Variants in PTCH1 observed in about 807,000 individuals in gnomAD.
PTCH1 encodes the protein protein patched homolog 1.
Under a neutral mutation model 144.6 loss-of-function variants are expected in PTCH1, and 14 were observed. The observed-to-expected ratio is 0.10, with a 90% CI of 0.06 to 0.15. The LOEUF is 0.15. Among genes scored for constraint, PTCH1 ranks in the 10% least tolerant of loss-of-function variants. The probability of loss-of-function intolerance (pLI) is 1.00; values close to 1 mark genes in which losing one functional copy is unlikely to be tolerated. For synonymous variants in PTCH1, 833 were observed against 793.6 expected (o/e 1.05, Z -0.83); for missense variants, 1,623 against 1,948.3 (o/e 0.83, Z 3.14).
intron 6 of PTCH1, 22 bp downstream of exon 6, chr9:95,480,368 A>C (rs757083467): frequency 1.2e-6 from 2 of 1,609,012 alleles, no homozygotes; most frequent in South Asian, 1.1e-5. Context: ...CCCTTCTGAG[A>C]GCGCTCACTG....
At chr9:95,453,417 A>C in intron 20 of PTCH1, 61 bp downstream of exon 20, 1 of 1,609,030 alleles carries the variant, frequency 6.2e-7, no homozygotes, top group Non-Finnish European at 8.5e-7. Flanking sequence ...GGCGTGAGCC[A>C]CTGCACCCGG....
At chr9:95,506,056 CCGGGGCGCCTCT>C (rs1164063901) in intron 2 of PTCH1, among the ~76,000 whole-genome samples, 1 of 148,090 alleles carries the variant, frequency 6.8e-6, no homozygotes, top group Non-Finnish European at 1.5e-5. Context: ...GAGGCCAGCC[CCGGGGCGCCTCT>C]CGGGGCGCGG....
chr9:95,504,721 C>T (rs1843427521), intron 2 of PTCH1, among the ~76,000 whole-genome samples: 1 of 152,190 alleles, frequency 6.6e-6, no homozygotes, highest in Non-Finnish European at 1.5e-5. Context: ...GCCTAAAATG[C>T]CCTCCTTCCC....
At chr9:95,461,629 G>A (rs533435399) in intron 16 of PTCH1, among the ~76,000 whole-genome samples, 1 of 152,350 alleles carries the variant, frequency 6.6e-6, no homozygotes, top group Non-Finnish European at 1.5e-5. Context: ...GAACACGCCT[G>A]TCCCATTTGA....
At chr9:95,468,556 C>T (rs565811806) in intron 14 of PTCH1, among the ~76,000 whole-genome samples, 195 bp downstream of exon 14, 1 of 152,316 alleles carries the variant, frequency 6.6e-6, no homozygotes, top group Admixed American at 6.5e-5. Context: ...GAGGTTCACT[C>T]CCATGGAAGA....
intron 14 of PTCH1, 115 bp from the exon 15 acceptor site, chr9:95,467,540 T>C: frequency 9.7e-7 from 1 of 1,028,060 alleles, no homozygotes; most frequent in South Asian, 1.4e-5. Context: ...AACTGATTTA[T>C]CTTGTAGGGG....
At chr9:95,479,859 T>A (rs1841386452) in intron 7 of PTCH1, 110 bp downstream of exon 7, 2 of 1,552,046 alleles carry the variant, frequency 1.3e-6, no homozygotes, top group Non-Finnish European at 1.8e-6. Context: ...CTAGCGAGGA[T>A]AACGGTTTAA....
intron 20 of PTCH1, chr9:95,451,591 C>T (rs1378666458): frequency 2.0e-5 from 3 of 152,228 alleles, no homozygotes; most frequent in Non-Finnish European, 4.4e-5. Context: ...GACCCCAGCA[C>T]ACCTTGCATT....
intron 12 of PTCH1, 77 bp from the exon 13 acceptor site, chr9:95,470,008 CTT>C: frequency 9.4e-7 from 1 of 1,060,986 alleles, no homozygotes. Context: ...AATAAAGATG[CTT>C]TTAAACAATA....
At chr9:95,463,767 A>G (rs1746658263) in intron 15 of PTCH1, among the ~76,000 whole-genome samples, 1 of 152,074 alleles carries the variant, frequency 6.6e-6, no homozygotes, top group Non-Finnish European at 1.5e-5. Flanking sequence ...TGAGTCTTGG[A>G]AAGGGGAGAC....
chr9:95,508,519 C>G lies in PTCH1; in HGVS notation c.-158G>C. ...CGGGCTCGGGCTCCGGTTGACAGAC[C>G]AGCCGCTGCTGCTGCTCACACGGCG... is the stretch of plus-strand genomic sequence containing the variant. On this transcript the variant is annotated 5_prime_UTR_variant, in exon 1 of 24. Coordinates refer to ENST00000331920, the MANE Select transcript of PTCH1 (RefSeq NM_000264.5). 1 of 1,015,492 alleles carries G rather than the reference C, an allele frequency of 9.8e-7. No homozygotes were observed. Among genetic ancestry groups the G allele is most frequent in the South Asian group, 4.5e-5 (1 of 22,164 alleles). 62.9% of individuals were successfully genotyped at this position (1,015,492 alleles called of 1,614,324 possible). A position where few individuals can be genotyped will look rare whatever the true frequency, so the allele number is the denominator to read the frequency against.
intron 2 of PTCH1, among the ~76,000 whole-genome samples, chr9:95,489,256 C>T (rs1233712946): frequency 6.6e-6 from 1 of 152,232 alleles, no homozygotes; most frequent in Non-Finnish European, 1.5e-5. Context: ...CTTATCATCC[C>T]TAAGTGTGAA....
At chr9:95,506,905 G>T in intron 1 of PTCH1, 3 of 1,109,580 alleles carry the variant, frequency 2.7e-6, no homozygotes, top group Non-Finnish European at 3.3e-6. Context: ...AGGTAGAGAG[G>T]AGAGAAACCA....
chr9:95,508,080 T>G lies in PTCH1; in HGVS notation c.201+81A>C, dbSNP rs191458964. 8.3e-3 allele frequency: 13,283 copies of G among 1,591,818 alleles called. 62 individuals are homozygous for G. The highest frequency in any genetic ancestry group is 0.01 in the Non-Finnish European group (12,105 of 1,169,054). ...GTGTGAGAGAGAGAGGAAGAGAGTG[T>G]GTGTGTTTGTGTGTGGCGGGGGCGA... On this transcript the variant is annotated intron_variant, in intron 1 of 23. Transcript: ENST00000331920.
chr9:95,447,402 T>G lies in PTCH1; in HGVS notation c.3854A>C (p.Gln1285Pro). 1 of 1,608,538 alleles carries G rather than the reference T, an allele frequency of 6.2e-7. No individual in the cohort carries two copies. The highest frequency in any genetic ancestry group is 2.2e-5 in the East Asian group (1 of 44,798). ...RHHPPSNPRQQPHLDSGSLPP... is the reference protein window; with the variant it reads ...RHHPPSNPRQPPHLDSGSLPP... ...CAGGGACCCTGAGTCCAGGTGGGGC[T>G]GCTGTCTCGGGTTCGAGGGTGGGTG... Residue 1285 changes from glutamine (Q) to proline (P), a missense_variant, in exon 23 of 24, where the codon CAG becomes CCG. Gln to Pro is a moderately conservative substitution (Grantham distance 76). Around this residue, in one of 7 missense-constraint regions of PTCH1, gnomAD observed 291 missense variants for 287.4 expected, o/e 1.01. Transcript: ENST00000331920.
intron 2 of PTCH1, among the ~76,000 whole-genome samples, chr9:95,496,391 G>T (rs547141397): frequency 1.3e-5 from 2 of 151,918 alleles, no homozygotes; most frequent in African/African-American, 2.4e-5. Flanking sequence ...GTTTCGGTCC[G>T]CAACAAAAAA....
Position 95,480,578 on chromosome 9 carries a change from G to T in PTCH1, c.757C>A (p.Pro253Thr). 1 of 1,613,560 alleles carries T rather than the reference G, an allele frequency of 6.2e-7. No homozygotes were observed. Among genetic ancestry groups the T allele is most frequent in the Non-Finnish European group, 8.5e-7 (1 of 1,179,752 alleles). ...SGTAYLLGKP[P>T]LRWTNFDPLE... Reference sequence around the variant, plus strand: ...GGGTCGAAGTTTGTCCACCGCAAAGGAGGTTTACCTCTGCAAAAGAAATTA... The same window carrying T: ...GGGTCGAAGTTTGTCCACCGCAAAGTAGGTTTACCTCTGCAAAAGAAATTA... The change falls in exon 6 of 24, where the codon CCT becomes ACT. Residue 253 changes from proline (P) to threonine (T), a missense_variant. Around this residue, in one of 7 missense-constraint regions of PTCH1, gnomAD observed 230 missense variants for 271.0 expected, o/e 0.85. Coordinates refer to ENST00000331920, the MANE Select transcript of PTCH1 (RefSeq NM_000264.5).
At chr9:95,507,444 C>T (rs1215939965) in intron 1 of PTCH1, 11 of 985,176 alleles carry the variant, frequency 1.1e-5, no homozygotes, top group Non-Finnish European at 1.3e-5. Flanking sequence ...TTCAGCGAGC[C>T]TCGTAAACAC....
intron 1 of PTCH1, chr9:95,507,221 C>T (rs1843750044): frequency 2.0e-6 from 2 of 985,496 alleles, no homozygotes; most frequent in Non-Finnish European, 2.4e-6. Context: ...CAGCCAGCTG[C>T]AACTTACGAC....
Sources: allele counts gnomAD v4.1 joint callset (sites outside exome capture counted in the v4.1 genomes callset), GRCh38; gene constraint gnomAD v4.1.1; regional missense constraint gnomAD v4.1.1; transcripts MANE v1.5; gene names NCBI Gene and HGNC (gene_info 2026-07-23, HGNC 2026-07-21).